The following GDI2 variants were observed in gnomAD, a reference collection of about 807,000 sequenced individuals.
The protein encoded by GDI2 is rab GDP dissociation inhibitor beta.
In GDI2, 22 loss-of-function variants were observed where a neutral mutation model predicts 54.2. The ratio of observed to expected loss-of-function variants is 0.41; its 90% CI spans 0.29 to 0.58. GDI2 has a LOEUF of 0.58. Among genes scored for constraint, GDI2 ranks in the 20% least tolerant of loss-of-function variants. GDI2 has a pLI of 0.35. For synonymous variants in GDI2, 177 were observed against 182.1 expected, an observed-to-expected ratio of 0.97 and a Z score of 0.23; for missense variants, 422 against 546.0, an observed-to-expected ratio of 0.77 and a Z score of 2.26.
At chr10:5,773,099 C>CA (rs1394816088) in intron 7 of GDI2, among the ~76,000 whole-genome samples, 1 of 152,142 alleles carries the variant, frequency 6.6e-6, no homozygotes, top group Non-Finnish European at 1.5e-5. Flanking sequence ...CCCCTTACAC[C>CA]ACCTACCAAA....
chr10:5,772,043 C>A (rs535253521), intron 7 of GDI2, among the ~76,000 whole-genome samples: 1 of 151,864 alleles, frequency 6.6e-6, no homozygotes, highest in African/African-American at 2.4e-5. Flanking sequence ...TAACCAAGAT[C>A]GTGCCACTGC....
intron 6 of GDI2, among the ~76,000 whole-genome samples, chr10:5,782,288 C>G (rs1840776346): frequency 6.6e-6 from 1 of 152,182 alleles, no homozygotes; most frequent in Non-Finnish European, 1.5e-5. Context: ...TTCACACCCA[C>G]TTGGGCAATT....
chr10:5,781,822 T>G (rs543127285), intron 6 of GDI2, among the ~76,000 whole-genome samples: 1 of 151,898 alleles, frequency 6.6e-6, no homozygotes, highest in East Asian at 1.9e-4. Context: ...GAGACCAGCC[T>G]GTTCAATAAC....
rs1321396965 is a variant in GDI2 at position 5,766,720 on chromosome 10, G to GA, written c.992-83dup. The stretch of plus-strand genomic sequence containing the variant: ...TACTCAGGTATCACCCATATGTCAT[G>GA]AGGTGTGAGTTAAAATTACTCTCAA... On this transcript the variant is annotated intron_variant, in intron 8 of 10. Transcript: ENST00000380191. This position sits in a 1 kb window ranked among gnomAD's most constrained non-coding sequence, Gnocchi z 5.8. 2 of 1,113,110 alleles carry GA rather than the reference G, an allele frequency of 1.8e-6. No homozygotes were observed. Among genetic ancestry groups the GA allele is most frequent in the Non-Finnish European group, 2.7e-6 (2 of 742,634 alleles). The allele number at this position is 1,113,110 out of a possible 1,614,324, so 69.0% of individuals were successfully genotyped here.
chr10:5,766,685 G>A lies in GDI2; in HGVS notation c.992-47C>T. On this transcript the variant is annotated intron_variant, in intron 8 of 10. Transcript: ENST00000380191. The surrounding 1 kb of genome is among the most constrained non-coding windows in gnomAD (Gnocchi z 5.8). ...TCACTGCCTCAAGTGTCTCCATCTG[G>A]GACCCAACATACTCAGGTATCACCC... The A allele has an allele frequency of 6.6e-7, 1 of 1,522,468 alleles. No homozygotes were observed. The highest frequency in any genetic ancestry group is 9.1e-7 in the Non-Finnish European group (1 of 1,097,656). The allele number at this position is 1,522,468 out of a possible 1,614,324, so 94.3% of individuals were successfully genotyped here.
rs902064803 is a variant in GDI2 at position 5,776,920 on chromosome 10, C to CA, written c.720-2980dup. 13 of 691,288 alleles carry CA rather than the reference C, an allele frequency of 1.9e-5. No individual in the cohort carries two copies. The South Asian group carries it at 2.9e-4, about 16-fold the overall frequency. 42.8% of individuals were successfully genotyped at this position (691,288 alleles called of 1,614,324 possible). On this transcript the variant is annotated intron_variant, in intron 6 of 10. Transcript: ENST00000380191. This position sits in a 1 kb window ranked among gnomAD's most constrained non-coding sequence, Gnocchi z 5.3. Reference sequence around the variant, plus strand: ...AATAATGCGAAAACAGTTAATCCAGCAAAAAAATTAAAAGGGAAAACCACA... The same window carrying CA: ...AATAATGCGAAAACAGTTAATCCAGCAAAAAAAATTAAAAGGGAAAACCACA...
At chr10:5,770,899 G>C (rs1840473975) in intron 7 of GDI2, among the ~76,000 whole-genome samples, 1 of 141,692 alleles carries the variant, frequency 7.1e-6, no homozygotes, top group Admixed American at 7.6e-5. Context: ...CTAGGAGGCA[G>C]AGGTTGCAGT....
rs1840345927 is a variant in GDI2, at chr10:5,766,764, C to T, written c.992-126G>A. 1 of 672,738 alleles carries T rather than the reference C, an allele frequency of 1.5e-6. No homozygotes were observed. Among genetic ancestry groups the T allele is most frequent in the Non-Finnish European group, 2.6e-6 (1 of 385,336 alleles). 41.7% of individuals were successfully genotyped at this position (672,738 alleles called of 1,614,324 possible). On this transcript the variant is annotated intron_variant, in intron 8 of 10. Transcript: ENST00000380191. This position sits in a 1 kb window ranked among gnomAD's most constrained non-coding sequence, Gnocchi z 5.8. ...CTCTCAATAGGCAAGATCTTCTACA[C>T]TTAAGTTCTAAATGGTGACAGAGTT...
chr10:5,805,909 G>T (rs910007243), intron 1 of GDI2, among the ~76,000 whole-genome samples: 2 of 152,208 alleles, frequency 1.3e-5, no homozygotes, highest in African/African-American at 4.8e-5. Flanking sequence ...TAACACAGCT[G>T]TAGACGATTC....
chr10:5,812,732 G>C (rs371630190), intron 1 of GDI2, among the ~76,000 whole-genome samples: 1 of 152,230 alleles, frequency 6.6e-6, no homozygotes, highest in Non-Finnish European at 1.5e-5. Context: ...TCCAAGACTT[G>C]TCAGGAAACC....
intron 6 of GDI2, among the ~76,000 whole-genome samples, chr10:5,784,374 C>T (rs928504124): frequency 1.3e-5 from 2 of 152,164 alleles, no homozygotes; most frequent in East Asian, 1.9e-4. Flanking sequence ...ACCTTTCTCT[C>T]GTGCCTCCTT....
Position 5,777,179 on chromosome 10 carries a change from G to A in GDI2, c.720-3238C>T, listed in dbSNP as rs1252808002. 2.0e-5 allele frequency among the ~76,000 whole-genome samples: 3 copies of A among 152,128 alleles called. No homozygotes were observed. The East Asian group carries it at 5.8e-4, about 29-fold the overall frequency. ...CTTGTCTTGTCTTCAGGGTTAAAAT[G>A]CATAAAAGTTATGCCAGGCACGGTG... On this transcript the variant is annotated intron_variant, in intron 6 of 10. Transcript: ENST00000380191.
rs766491082 is a variant in GDI2 at position 5,774,886 on chromosome 10, CAGGGGA to C, written c.720-951_720-946del. Among the ~76,000 whole-genome samples, 2 of 142,938 alleles carry C rather than the reference CAGGGGA, an allele frequency of 1.4e-5. No homozygotes were observed. The highest frequency in any genetic ancestry group is 2.5e-5 in the African/African-American group (1 of 40,438). The allele number at this position is 142,938 out of a possible 152,430, so 93.8% of individuals were successfully genotyped here. On this transcript the variant is annotated intron_variant, in intron 6 of 10. Transcript: ENST00000380191. The surrounding 1 kb of genome is among the most constrained non-coding windows in gnomAD (Gnocchi z 4.8). ...TCTGCCATTTCTCTGGATTCACACC[CAGGGGA>C]AGGGGAAGGGCAAGGGCAAGGGCAA...
intron 7 of GDI2, among the ~76,000 whole-genome samples, chr10:5,770,326 C>G (rs1369454642): frequency 6.6e-6 from 1 of 152,076 alleles, no homozygotes; most frequent in East Asian, 1.9e-4. Context: ...TTTGGGAGGC[C>G]AAGGTGGGTG....
intron 1 of GDI2, among the ~76,000 whole-genome samples, chr10:5,810,488 G>A (rs1841461773): frequency 6.6e-6 from 1 of 152,188 alleles, no homozygotes; most frequent in Non-Finnish European, 1.5e-5. Flanking sequence ...AGTAAAGTAA[G>A]ATAGAGGGAA....
intron 1 of GDI2, among the ~76,000 whole-genome samples, chr10:5,801,138 A>G (rs1458780315): frequency 6.6e-6 from 1 of 151,562 alleles, no homozygotes; most frequent in East Asian, 2.0e-4. Flanking sequence ...TTTTTAGCAG[A>G]GACAGGGTTT....
At chr10:5,767,149 T>C (rs1181936090) in intron 8 of GDI2, among the ~76,000 whole-genome samples, 1 of 152,110 alleles carries the variant, frequency 6.6e-6, no homozygotes, top group African/African-American at 2.4e-5. Context: ...AACTGTGTCA[T>C]TTCCAGGATA....
intron 2 of GDI2, among the ~76,000 whole-genome samples, chr10:5,797,581 G>A (rs1232128879): frequency 6.7e-6 from 1 of 148,644 alleles, no homozygotes; most frequent in Non-Finnish European, 1.5e-5. Context: ...AGCGGGGTGT[G>A]GTGTGTGCCT....
rs1840287756 is a variant in GDI2 at position 5,765,227 on chromosome 10, TTCCAGAATTTGGC to T, written c.*766_*778del. On this transcript the variant is annotated 3_prime_UTR_variant, in exon 11 of 11. Transcript: ENST00000380191. The stretch of plus-strand genomic sequence containing the variant: ...ACACAAACCAACACCGGGCAGTAGT[TTCCAGAATTTGGC>T]TTTATTTTGCAGTACAGAAATCATT... The T allele has an allele frequency of 6.5e-6, 1 of 152,698 alleles. No homozygotes were observed. The highest frequency in any genetic ancestry group is 1.5e-5 in the Non-Finnish European group (1 of 68,080). The allele number at this position is 152,698 out of a possible 1,614,324, so 9.5% of individuals were successfully genotyped here. A position where few individuals can be genotyped will look rare whatever the true frequency, so the allele number is the denominator to read the frequency against.
Sources: gnomAD v4.1 joint callset for allele counts (sites outside exome capture counted in the v4.1 genomes callset) on GRCh38, gnomAD v4.1.1 for gene constraint, Gnocchi (gnomAD v3.1) non-coding constraint, MANE v1.5 for transcripts, NCBI Gene and HGNC (gene_info 2026-07-23, HGNC 2026-07-21) for gene names.